RAD21L1: variants seen among roughly 807,000 people sequenced by gnomAD.
RAD21L1 encodes double-strand-break repair protein rad21-like protein 1.
A neutral mutation model predicts 69.0 loss-of-function variants in RAD21L1; 47 were observed. The ratio of observed to expected loss-of-function variants is 0.68; its 90% CI spans 0.54 to 0.87. RAD21L1 has a LOEUF of 0.87. Among genes scored for constraint, RAD21L1 ranks in the 40% least tolerant of loss-of-function variants. The probability of loss-of-function intolerance (pLI) is 0.00; values close to 1 mark genes in which losing one functional copy is unlikely to be tolerated. For missense variants in RAD21L1, 583 were observed against 647.6 expected, an observed-to-expected ratio of 0.90 and a Z score of 1.08; for synonymous variants, 177 against 205.8, an observed-to-expected ratio of 0.86 and a Z score of 1.20.
intron 4 of RAD21L1, among the ~76,000 whole-genome samples, chr20:1,233,199 GTC>G (rs1336904506): frequency 6.6e-6 from 1 of 152,142 alleles, no homozygotes; most frequent in Non-Finnish European, 1.5e-5. Context: ...GACTCTCCGG[GTC>G]TGAAATTCAG....
rs567668854 is a variant in RAD21L1 at position 1,254,052 on chromosome 20, T to G, written c.1480-217T>G. Among the ~76,000 whole-genome samples, 33 of 152,356 alleles carry G rather than the reference T, an allele frequency of 2.2e-4. No individual in the cohort carries two copies. The South Asian group carries it at 6.4e-3, about 30-fold the overall frequency. The stretch of plus-strand genomic sequence containing the variant: ...ATAAATTTATATAACACTTCGGAAT[T>G]CTTTTGCATGCATGTTCTTCACGAA... On this transcript the variant is annotated intron_variant, in intron 13 of 13. Coordinates refer to ENST00000683101, the MANE Select transcript of RAD21L1 (RefSeq NM_001384355.1).
In RAD21L1 at chr20:1,246,348, T is replaced by C. The variant is rs2087717630; in HGVS notation, c.1401+43T>C. 5 of 979,546 alleles carry C rather than the reference T, an allele frequency of 5.1e-6. No individual in the cohort carries two copies. The highest frequency in any genetic ancestry group is 1.7e-5 in the African/African-American group (1 of 58,702). The allele number at this position is 979,546 out of a possible 1,614,324, so 60.7% of individuals were successfully genotyped here. ...CTTGGGGATGTTCTTAAAAACTTTA[T>C]TCCTAAATATTTAACACCTTATTTA... On this transcript the variant is annotated intron_variant, in intron 12 of 13. Coordinates refer to ENST00000683101, the MANE Select transcript of RAD21L1 (RefSeq NM_001384355.1). The surrounding 1 kb of genome is among the most constrained non-coding windows in gnomAD (Gnocchi z 4.6).
chr20:1,229,881 T>C lies in RAD21L1; in HGVS notation c.146T>C (p.Val49Ala), dbSNP rs2087355241. ...TAATACTTCAAAAATTATTGAAAGG[T>C]GAAAATAGCACTTCGAACTTCAGGA... ...ITIEKILSPK[V>A]KIALRTSGHL... The change falls in exon 3 of 14, where the codon GTG becomes GCG. Residue 49 changes from valine (V) to alanine (A), a missense_variant and splice_region_variant. Transcript: ENST00000683101. The C allele has an allele frequency of 1.3e-6, 2 of 1,546,856 alleles. No individual in the cohort carries two copies. The highest frequency in any genetic ancestry group is 1.4e-5 in the African/African-American group (1 of 72,972).
intron 13 of RAD21L1, among the ~76,000 whole-genome samples, chr20:1,253,334 T>A (rs1169030003): frequency 6.6e-6 from 1 of 152,180 alleles, no homozygotes; most frequent in Non-Finnish European, 1.5e-5. Flanking sequence ...GGTATCACTG[T>A]CACCCAGGCC....
Position 1,242,852 on chromosome 20 carries a change from G to T in RAD21L1, c.1083+7G>T. ...TCATGCTGAACTGAAAATGGTAACG[G>T]TTCCTACCCTTCTACATGTGAGCAA... On this transcript the variant is annotated splice_region_variant and intron_variant, in intron 9 of 13. Coordinates refer to ENST00000683101, the MANE Select transcript of RAD21L1 (RefSeq NM_001384355.1). 1 of 1,531,480 alleles carries T rather than the reference G, an allele frequency of 6.5e-7. No homozygotes were observed. Among genetic ancestry groups the T allele is most frequent in the Non-Finnish European group, 8.9e-7 (1 of 1,128,722 alleles). 94.9% of individuals were successfully genotyped at this position (1,531,480 alleles called of 1,614,324 possible). A position where few individuals can be genotyped will look rare whatever the true frequency, so the allele number is the denominator to read the frequency against.
intron 3 of RAD21L1, 118 bp from the exon 4 acceptor site, chr20:1,231,408 A>T: frequency 1.5e-6 from 1 of 658,956 alleles, no homozygotes; most frequent in South Asian, 1.8e-5. Context: ...GTAGGAGTAG[A>T]TAGAGGAAAA....
intron 5 of RAD21L1, among the ~76,000 whole-genome samples, chr20:1,234,497 TGAGA>T (rs1280400291): frequency 6.6e-6 from 1 of 152,150 alleles, no homozygotes; most frequent in Non-Finnish European, 1.5e-5. Flanking sequence ...ATTCTGGGTG[TGAGA>T]GAGACACATA....
chr20:1,239,299 T>G lies in RAD21L1; in HGVS notation c.647-13T>G, dbSNP rs1253538417. ...CCAGTCTGTATGAAAAAATATTCAT[T>G]GTGTTTTTCAAGACAATCTATTGCA... On this transcript the variant is annotated splice_polypyrimidine_tract_variant and intron_variant, in intron 6 of 13. Transcript: ENST00000683101. 7.1e-7 allele frequency: 1 copy of G among 1,400,388 alleles called. No homozygotes were observed. The allele number at this position is 1,400,388 out of a possible 1,614,324, so 86.7% of individuals were successfully genotyped here.
intron 13 of RAD21L1, among the ~76,000 whole-genome samples, chr20:1,250,894 C>T (rs2087814350): frequency 6.6e-6 from 1 of 152,104 alleles, no homozygotes; most frequent in Non-Finnish European, 1.5e-5. Context: ...TGGGAGCTCA[C>T]CATCCTCTTG....
chr20:1,252,505 A>G (rs1226572036), intron 13 of RAD21L1, among the ~76,000 whole-genome samples: 2 of 151,810 alleles, frequency 1.3e-5, no homozygotes, highest in East Asian at 1.9e-4. Context: ...GAGGCTGGTT[A>G]TCTCACTGTT....
chr20:1,227,431 G>T (rs1470262848), intron 1 of RAD21L1, among the ~76,000 whole-genome samples: 1 of 152,166 alleles, frequency 6.6e-6, no homozygotes, highest in Non-Finnish European at 1.5e-5. Flanking sequence ...GAATTCTTGC[G>T]GTACAAATAG....
intron 12 of RAD21L1, among the ~76,000 whole-genome samples, chr20:1,248,069 G>T (rs1051665886): frequency 1.1e-3 from 57 of 53,374 alleles, no homozygotes; most frequent in African/African-American, 3.7e-3. Flanking sequence ...AAAAAAAAAA[G>T]AATCTATTTA....
intron 5 of RAD21L1, among the ~76,000 whole-genome samples, chr20:1,235,923 G>T (rs1413458343): frequency 6.6e-6 from 1 of 151,852 alleles, no homozygotes; most frequent in Non-Finnish European, 1.5e-5. Flanking sequence ...ATGCACCTCC[G>T]CACTCGGCTA....
intron 4 of RAD21L1, among the ~76,000 whole-genome samples, chr20:1,233,661 T>C (rs2087438545): frequency 6.6e-6 from 1 of 152,170 alleles, no homozygotes; most frequent in Non-Finnish European, 1.5e-5. Context: ...TATTCTCACA[T>C]GGTAGATTGA....
Position 1,254,986 on chromosome 20 carries a change from C to T in RAD21L1, c.*529C>T, listed in dbSNP as rs530528309. Among the ~76,000 whole-genome samples the T allele has an allele frequency of 1.7e-4, 26 of 152,234 alleles. No individual in the cohort carries two copies. The South Asian group carries it at 5.4e-3, about 32-fold the overall frequency. ...AGGCTATTTTACATTGGAGTATTTACTTGAATTTTATGGGGTTAATGAAAA... is the reference window on the plus strand; with the variant it reads ...AGGCTATTTTACATTGGAGTATTTATTTGAATTTTATGGGGTTAATGAAAA... On this transcript the variant is annotated 3_prime_UTR_variant, in exon 14 of 14. Transcript: ENST00000683101.
intron 13 of RAD21L1, among the ~76,000 whole-genome samples, chr20:1,253,043 A>G (rs1600234315): frequency 1.3e-5 from 2 of 152,176 alleles, no homozygotes; most frequent in East Asian, 1.9e-4. Context: ...CCCAGGGGGG[A>G]AAAGCCATCC....
chr20:1,236,152 G>A (rs114979659), intron 5 of RAD21L1, among the ~76,000 whole-genome samples: 1 of 152,246 alleles, frequency 6.6e-6, no homozygotes, highest in African/African-American at 2.4e-5. Context: ...ATTCTGAAAT[G>A]TCTCTTAGAT....
chr20:1,243,268 A>G lies in RAD21L1; in HGVS notation c.1183+72A>G, dbSNP rs1332328065. 6 of 695,334 alleles carry G rather than the reference A, an allele frequency of 8.6e-6. No individual in the cohort carries two copies. In the East Asian group the frequency reaches 1.5e-4, roughly 17 times the overall value. 43.1% of individuals were successfully genotyped at this position (695,334 alleles called of 1,614,324 possible). A position where few individuals can be genotyped will look rare whatever the true frequency, so the allele number is the denominator to read the frequency against. On this transcript the variant is annotated intron_variant, in intron 10 of 13. Transcript: ENST00000683101. ...CAAAAATTTGATGTTTTAAATTTCA[A>G]AATGAAGGTGGGATCCAATTCCATA...
chr20:1,251,369 G>GTT (rs1391498956), intron 13 of RAD21L1, among the ~76,000 whole-genome samples: 1 of 96,782 alleles, frequency 1.0e-5, no homozygotes, highest in Non-Finnish European at 2.1e-5. Flanking sequence ...GATGTGCTTT[G>GTT]GTTTTTTTTT....
Sources: gnomAD v4.1 joint callset for allele counts (sites outside exome capture counted in the v4.1 genomes callset) on GRCh38, gnomAD v4.1.1 for gene constraint, Gnocchi (gnomAD v3.1) non-coding constraint, MANE v1.5 for transcripts, NCBI Gene and HGNC (gene_info 2026-07-23, HGNC 2026-07-21) for gene names.